Variants in SH3BP2 observed in about 807,000 individuals in gnomAD.
SH3BP2 encodes SH3 domain-binding protein 2.
In SH3BP2, 38 loss-of-function variants were observed where a neutral mutation model predicts 56.2. That is an observed-to-expected ratio of 0.68 (90% CI 0.52 to 0.89). SH3BP2 has a LOEUF of 0.89. Ranked by LOEUF, SH3BP2 falls within the 40% of genes least tolerant of loss-of-function variation. The pLI is 0.00. For synonymous variants in SH3BP2, 346 were observed against 316.7 expected, an observed-to-expected ratio of 1.09 and a Z score of -0.98; for missense variants, 748 against 762.6, an observed-to-expected ratio of 0.98 and a Z score of 0.23.
At chr4:2,816,179 C>G (rs989894803) in intron 1 of SH3BP2, among the ~76,000 whole-genome samples, 9 of 152,050 alleles carry the variant, frequency 5.9e-5, no homozygotes, top group Admixed American at 3.9e-4. Context: ...CTCAGCCTCC[C>G]AAATAGCTGG....
chr4:2,818,589 C>T, intron 1 of SH3BP2: 1 of 529,504 alleles, frequency 1.9e-6, no homozygotes, highest in Non-Finnish European at 2.6e-6. Context: ...CGGGGCTTGT[C>T]GATCTGCGGG....
intron 12 of SH3BP2, 69 bp downstream of exon 12, chr4:2,833,118 C>A: frequency 7.1e-7 from 1 of 1,412,636 alleles, no homozygotes; most frequent in South Asian, 1.1e-5. Context: ...CAGAATCTCC[C>A]TGATGAGGCA....
Position 2,825,165 on chromosome 4 carries a change from C to T in SH3BP2, c.397C>T (p.His133Tyr). The change falls in exon 5 of 13, where the codon CAC becomes TAC. Residue 133 changes from histidine (H) to tyrosine (Y), a missense_variant. His to Tyr is a moderately conservative substitution (Grantham distance 83). Transcript: ENST00000503393. ...GCTGCGCAGGGAGATTGGCCACTTC[C>T]ACGAAAAGAAAGACCTGCCCTTGGA... ...ALLRREIGHF[H>Y]EKKDLPLDTS... is the part of the protein sequence containing the mutation. The T allele has an allele frequency of 6.3e-7, 1 of 1,584,070 alleles. No homozygotes were observed. Among genetic ancestry groups the T allele is most frequent in the Non-Finnish European group, 8.6e-7 (1 of 1,165,072 alleles).
At position 2,810,656 on chromosome 4, in the gene SH3BP2, C is replaced by T. The variant is rs975960664; in HGVS notation, c.-4-9958C>T. Among the ~76,000 whole-genome samples, 2 of 151,998 alleles carry T rather than the reference C, an allele frequency of 1.3e-5. No homozygotes were observed. Among genetic ancestry groups the T allele is most frequent in the Non-Finnish European group, 2.9e-5 (2 of 67,980 alleles). The stretch of plus-strand genomic sequence containing the variant: ...GTGCTCACCCCAAGCCCCTTCCTCC[C>T]GTGGCTCCCTCACCCCAGCTCCTTC... On this transcript the variant is annotated intron_variant, in intron 1 of 12. Coordinates refer to ENST00000503393, the MANE Select transcript of SH3BP2 (RefSeq NM_001122681.2). This position sits in a 1 kb window ranked among gnomAD's most constrained non-coding sequence, Gnocchi z 4.2.
chr4:2,807,823 C>T (rs535533438), intron 1 of SH3BP2, among the ~76,000 whole-genome samples: 7 of 152,252 alleles, frequency 4.6e-5, no homozygotes, highest in African/African-American at 1.7e-4. Flanking sequence ...TCAGGCATGG[C>T]AGGTGAGGCT....
At chr4:2,816,966 A>G (rs766647151) in intron 1 of SH3BP2, among the ~76,000 whole-genome samples, 43 of 152,072 alleles carry the variant, frequency 2.8e-4, no homozygotes, top group Admixed American at 2.2e-3. Flanking sequence ...CTCCTCTTCT[A>G]TTTTCTGGAA....
chr4:2,794,598 A>C (rs1299174864), intron 1 of SH3BP2, among the ~76,000 whole-genome samples: 1 of 152,196 alleles, frequency 6.6e-6, no homozygotes, highest in Non-Finnish European at 1.5e-5. Context: ...AGGCAGAAGG[A>C]AGACAGATAG....
intron 1 of SH3BP2, among the ~76,000 whole-genome samples, chr4:2,797,999 T>C (rs911283971): frequency 1.3e-5 from 2 of 152,290 alleles, no homozygotes; most frequent in African/African-American, 4.8e-5. Context: ...TCAGATAATA[T>C]CAGACTGTTG....
At chr4:2,822,723 G>T (rs1195648886) in intron 2 of SH3BP2, among the ~76,000 whole-genome samples, 1 of 152,216 alleles carries the variant, frequency 6.6e-6, no homozygotes, top group Non-Finnish European at 1.5e-5. Context: ...GCACTCTGGG[G>T]CTAGCCAGTG....
intron 1 of SH3BP2, 84 bp from the exon 2 acceptor site, chr4:2,820,530 T>G: frequency 6.5e-7 from 1 of 1,549,368 alleles, no homozygotes; most frequent in Non-Finnish European, 8.9e-7. Context: ...GTCCTGGATC[T>G]TGGCAGTGTC....
At chr4:2,827,369 T>A in intron 6 of SH3BP2, 51 bp downstream of exon 6, 1 of 1,510,282 alleles carries the variant, frequency 6.6e-7, no homozygotes. Flanking sequence ...CCACCTGGCC[T>A]CCTCTTGGCC....
At chr4:2,825,481 C>A (rs1724559822) in intron 5 of SH3BP2, among the ~76,000 whole-genome samples, 1 of 151,284 alleles carries the variant, frequency 6.6e-6, no homozygotes, top group African/African-American at 2.4e-5. Flanking sequence ...GACATGCGCA[C>A]ACACACAGAG....
rs958221483 is a variant in SH3BP2 at position 2,810,269 on chromosome 4, C to T, written c.-4-10345C>T. Among the ~76,000 whole-genome samples, 3 of 151,794 alleles carry T rather than the reference C, an allele frequency of 2.0e-5. No individual in the cohort carries two copies. Among genetic ancestry groups the T allele is most frequent in the Non-Finnish European group, 4.4e-5 (3 of 67,932 alleles). ...GGGGCTGGTGTGGATTTGTCCCCCA[C>T]CCCCAGGGTCCCCTCACCTGGCCTG... On this transcript the variant is annotated intron_variant, in intron 1 of 12. Transcript: ENST00000503393. This position sits in a 1 kb window ranked among gnomAD's most constrained non-coding sequence, Gnocchi z 4.2.
At position 2,820,674 on chromosome 4, in the gene SH3BP2, C is replaced by T. The variant is rs1244745866; in HGVS notation, c.57C>T (p.Asn19=). 6.2e-7 allele frequency: 1 copy of T among 1,614,166 alleles called. No homozygotes were observed. The highest frequency in any genetic ancestry group is 1.1e-5 in the South Asian group (1 of 91,090). The stretch of plus-strand genomic sequence containing the variant: ...CTATGAAGGCCATTGGTGCCCAGAA[C>T]CTGCTAACCATGCCTGGGGGCGTGG... ...PVPMKAIGAQ[N]LLTMPGGVAK... Residue 19 remains asparagine (N), a synonymous_variant, in exon 2 of 13, where the codon AAC becomes AAT. Transcript: ENST00000503393.
rs1156832365 is a variant in SH3BP2, at chr4:2,831,989, A to G, written c.1406+11A>G. 2 of 1,612,788 alleles carry G rather than the reference A, an allele frequency of 1.2e-6. No homozygotes were observed. The highest frequency in any genetic ancestry group is 1.7e-6 in the Non-Finnish European group (2 of 1,179,920). ...CTGCGAAGTGGAAAGGTCAGCACAA[A>G]GCCCTGTGTGTGCTGGGTCCTCCGC... On this transcript the variant is annotated intron_variant, in intron 10 of 12. Transcript: ENST00000503393. The surrounding 1 kb of genome is among the most constrained non-coding windows in gnomAD (Gnocchi z 4.1).
At chr4:2,826,772 C>T (rs545626008) in intron 5 of SH3BP2, 22 of 377,468 alleles carry the variant, frequency 5.8e-5, no homozygotes, top group Admixed American at 2.2e-4. Context: ...TGTGCGTGTC[C>T]GTGTGTCGCT....
chr4:2,819,287 A>G (rs1315158267), intron 1 of SH3BP2, among the ~76,000 whole-genome samples: 7 of 152,176 alleles, frequency 4.6e-5, no homozygotes, highest in African/African-American at 1.7e-4. Flanking sequence ...TGGTACGATC[A>G]TAGACCACTG....
chr4:2,830,006 C>A lies in SH3BP2; in HGVS notation c.1100C>A (p.Pro367His). The A allele has an allele frequency of 6.2e-6, 10 of 1,613,102 alleles. No homozygotes were observed. The highest frequency in any genetic ancestry group is 8.5e-6 in the Non-Finnish European group (10 of 1,180,006). Reference sequence around the variant, plus strand: ...TTCCTGAAGATAGCTGAAGAGGACCCCCCAAGGGAGGCAGCCATGCCCGGA... The same window carrying A: ...TTCCTGAAGATAGCTGAAGAGGACCACCCAAGGGAGGCAGCCATGCCCGGA... ...PKFLKIAEED[P>H]PREAAMPGLF... is the part of the protein sequence containing the mutation. The change falls in exon 8 of 13, where the codon CCC becomes CAC. Residue 367 changes from proline to histidine, a missense_variant. Physicochemically the swap from Pro to His is moderately conservative, Grantham distance 77. This residue lies in a region of SH3BP2 where 635 missense variants were observed against 615.0 expected (regional missense o/e 1.03). Coordinates refer to ENST00000503393, the MANE Select transcript of SH3BP2 (RefSeq NM_001122681.2).
At chr4:2,804,679 G>A (rs967443534) in intron 1 of SH3BP2, among the ~76,000 whole-genome samples, 3 of 152,212 alleles carry the variant, frequency 2.0e-5, no homozygotes, top group Admixed American at 1.3e-4. Context: ...TGTCCTTAAG[G>A]TTGGTGGGCT....
Sources: allele counts gnomAD v4.1 joint callset (sites outside exome capture counted in the v4.1 genomes callset), GRCh38; gene constraint gnomAD v4.1.1; regional missense constraint gnomAD v4.1.1; non-coding constraint Gnocchi (gnomAD v3.1); transcripts MANE v1.5; gene names NCBI Gene and HGNC (gene_info 2026-07-23, HGNC 2026-07-21).